CAMSAP2: variants seen among roughly 807,000 people sequenced by gnomAD.
CAMSAP2 encodes calmodulin-regulated spectrin-associated protein 2.
In CAMSAP2, 26 loss-of-function variants were observed where a neutral mutation model predicts 146.1. The ratio of observed to expected loss-of-function variants is 0.18; its 90% CI spans 0.13 to 0.25. CAMSAP2 has a LOEUF of 0.25. Ranked by LOEUF, CAMSAP2 falls within the 10% of genes least tolerant of loss-of-function variation. The probability of loss-of-function intolerance (pLI) is 1.00; values close to 1 mark genes in which losing one functional copy is unlikely to be tolerated. For synonymous variants in CAMSAP2, 499 were observed against 596.6 expected (o/e 0.84, Z 2.38); for missense variants, 1,381 against 1,759.3 (o/e 0.78, Z 3.85).
At chr1:200,794,944 TA>T (rs983765841) in intron 2 of CAMSAP2, among the ~76,000 whole-genome samples, 1 of 152,228 alleles carries the variant, frequency 6.6e-6, no homozygotes, top group Non-Finnish European at 1.5e-5. Flanking sequence ...ATGTTATTTT[TA>T]CAGCATGAAA....
chr1:200,740,668 G>A (rs7517998), intron 1 of CAMSAP2, among the ~76,000 whole-genome samples: 63,511 of 152,014 alleles, frequency 0.42, 13,791 homozygotes, highest in East Asian at 0.54. Context: ...ACTTTGGGAA[G>A]TTTTTTAATA....
rs781387146 is a variant in CAMSAP2, at chr1:200,855,980, G to A, written c.3897-30G>A. ...TGGGCCCCATTTTTTCTCTGTTTGA[G>A]ACATAAAACATATTTTATTTTCTAA... is the stretch of plus-strand genomic sequence containing the variant. On this transcript the variant is annotated intron_variant, in intron 14 of 16. Coordinates refer to ENST00000358823, the MANE Select transcript of CAMSAP2 (RefSeq NM_203459.4). 22 of 1,454,874 alleles carry A rather than the reference G, an allele frequency of 1.5e-5. 1 individual carries two copies. The South Asian group carries it at 2.2e-4, about 15-fold the overall frequency. 90.1% of individuals were successfully genotyped at this position (1,454,874 alleles called of 1,614,324 possible). A position where few individuals can be genotyped will look rare whatever the true frequency, so the allele number is the denominator to read the frequency against.
chr1:200,767,680 C>T (rs1323056938), intron 2 of CAMSAP2, among the ~76,000 whole-genome samples: 1 of 152,056 alleles, frequency 6.6e-6, no homozygotes, highest in African/African-American at 2.4e-5. Flanking sequence ...TCTGGTCACC[C>T]TTGTATATGA....
At chr1:200,844,029 G>A (rs192769413) in intron 7 of CAMSAP2, among the ~76,000 whole-genome samples, 3 of 151,552 alleles carry the variant, frequency 2.0e-5, no homozygotes, top group African/African-American at 4.8e-5. Context: ...CTGCCACCAC[G>A]CCCGGCTAAT....
chr1:200,751,500 A>G (rs1664505087), intron 1 of CAMSAP2, among the ~76,000 whole-genome samples: 1 of 130,246 alleles, frequency 7.7e-6, no homozygotes, highest in East Asian at 2.4e-4. Context: ...GCACCATTGC[A>G]CTCCAGCCTG....
At chr1:200,780,213 G>T (rs2103020975) in intron 2 of CAMSAP2, among the ~76,000 whole-genome samples, 1 of 152,260 alleles carries the variant, frequency 6.6e-6, no homozygotes, top group East Asian at 1.9e-4. Context: ...ACAAATTAGT[G>T]TTTTAAAGGA....
At chr1:200,783,654 A>T (rs188309989) in intron 2 of CAMSAP2, among the ~76,000 whole-genome samples, 5 of 152,070 alleles carry the variant, frequency 3.3e-5, no homozygotes, top group Middle Eastern at 3.4e-3. Context: ...GGCTAATTAA[A>T]AAAAAAATTT....
chr1:200,832,218 C>A lies in CAMSAP2; in HGVS notation c.664C>A (p.Gln222Lys). Reference sequence around the variant, plus strand: ...ATCGTAGGCTCGTTATCGGAAAGAGCAAACATTGCTTAAGCAACTGCCTTG... The same window carrying A: ...ATCGTAGGCTCGTTATCGGAAAGAGAAAACATTGCTTAAGCAACTGCCTTG... ...GGQKARYRKE[Q>K]TLLKQLPCIP... The change falls in exon 5 of 17, where the codon CAA becomes AAA. Residue 222 changes from glutamine to lysine, a missense_variant. Transcript: ENST00000358823. This position sits in a 1 kb window ranked among gnomAD's most constrained non-coding sequence, Gnocchi z 4.2. The A allele has an allele frequency of 6.2e-7, 1 of 1,610,268 alleles. No individual in the cohort carries two copies. Among genetic ancestry groups the A allele is most frequent in the South Asian group, 1.1e-5 (1 of 90,350 alleles).
intron 2 of CAMSAP2, among the ~76,000 whole-genome samples, chr1:200,767,118 G>T (rs535651942): frequency 2.6e-5 from 4 of 152,182 alleles, no homozygotes; most frequent in South Asian, 2.1e-4. Context: ...ATCACCTGAG[G>T]TCAGGAGTTC....
At chr1:200,817,055 TATAC>T (rs1255619265) in intron 4 of CAMSAP2, among the ~76,000 whole-genome samples, 2 of 141,800 alleles carry the variant, frequency 1.4e-5, no homozygotes, top group Admixed American at 1.4e-4. Flanking sequence ...CGTGTATGTG[TATAC>T]ACACACGTAT....
intron 8 of CAMSAP2, 113 bp downstream of exon 8, chr1:200,844,982 C>G: frequency 1.8e-6 from 1 of 547,056 alleles, no homozygotes; most frequent in Non-Finnish European, 3.1e-6. Flanking sequence ...GGATTTTGAA[C>G]TGTTATAATT....
intron 2 of CAMSAP2, among the ~76,000 whole-genome samples, chr1:200,768,656 TTTG>T (rs1267453284): frequency 2.0e-5 from 3 of 151,946 alleles, no homozygotes; most frequent in Non-Finnish European, 1.5e-5. Flanking sequence ...AGACTTTTTT[TTTG>T]TTGTTGTTGT....
intron 2 of CAMSAP2, among the ~76,000 whole-genome samples, chr1:200,794,743 C>T (rs1004067219): frequency 1.3e-5 from 2 of 152,174 alleles, no homozygotes; most frequent in East Asian, 3.8e-4. Context: ...TCTGGATTCA[C>T]CAGCAGCACT....
At chr1:200,791,064 C>T (rs755642976) in intron 2 of CAMSAP2, among the ~76,000 whole-genome samples, 20 of 152,098 alleles carry the variant, frequency 1.3e-4, no homozygotes, top group Non-Finnish European at 2.5e-4. Flanking sequence ...AGGCTGGTCT[C>T]GAATCCCTGA....
intron 1 of CAMSAP2, among the ~76,000 whole-genome samples, chr1:200,754,597 T>C (rs959978313): frequency 6.9e-6 from 1 of 144,914 alleles, no homozygotes; most frequent in Non-Finnish European, 1.5e-5. Context: ...TTTTTTTTTT[T>C]TTTGAGACGA....
chr1:200,744,080 T>C (rs1664253808), intron 1 of CAMSAP2, among the ~76,000 whole-genome samples: 1 of 152,238 alleles, frequency 6.6e-6, no homozygotes, highest in Non-Finnish European at 1.5e-5. Context: ...GTGGAAAGGT[T>C]ACTTATTCCA....
intron 1 of CAMSAP2, 107 bp downstream of exon 1, chr1:200,740,073 A>G: frequency 1.5e-6 from 2 of 1,312,082 alleles, no homozygotes; most frequent in Non-Finnish European, 2.2e-6. Flanking sequence ...GTCTTCTCGT[A>G]CAGGTTAAGG....
chr1:200,831,340 A>G (rs558272962), intron 4 of CAMSAP2, among the ~76,000 whole-genome samples: 1 of 152,316 alleles, frequency 6.6e-6, no homozygotes, highest in East Asian at 1.9e-4. Flanking sequence ...GGTTCTATGA[A>G]GTGGGTACTA....
rs1571839343 is a variant in CAMSAP2 at position 200,857,674 on chromosome 1, C to A, written c.4132-80C>A. 1.6e-6 allele frequency: 2 copies of A among 1,218,522 alleles called. No individual in the cohort carries two copies. Among genetic ancestry groups the A allele is most frequent in the Non-Finnish European group, 2.3e-6 (2 of 874,708 alleles). The allele number at this position is 1,218,522 out of a possible 1,614,324, so 75.5% of individuals were successfully genotyped here. On this transcript the variant is annotated intron_variant, in intron 16 of 16. Coordinates refer to ENST00000358823, the MANE Select transcript of CAMSAP2 (RefSeq NM_203459.4). This position sits in a 1 kb window ranked among gnomAD's most constrained non-coding sequence, Gnocchi z 4.7. ...TATAAAATGTGACTAAGAAACGTAACATAATTATATAAACTTTATTCAGCA... is the reference window on the plus strand; with the variant it reads ...TATAAAATGTGACTAAGAAACGTAAAATAATTATATAAACTTTATTCAGCA...
Sources: gnomAD v4.1 joint callset for allele counts (sites outside exome capture counted in the v4.1 genomes callset) on GRCh38, gnomAD v4.1.1 for gene constraint, Gnocchi (gnomAD v3.1) non-coding constraint, MANE v1.5 for transcripts, NCBI Gene and HGNC (gene_info 2026-07-23, HGNC 2026-07-21) for gene names.